CCSER1: variants seen among roughly 807,000 people sequenced by gnomAD.
CCSER1 encodes the protein serine-rich coiled-coil domain-containing protein 1.
Under a neutral mutation model 82.0 loss-of-function variants are expected in CCSER1, and 41 were observed. That is an observed-to-expected ratio of 0.50 (90% confidence interval 0.39 to 0.65). The LOEUF is 0.65. Ranked by LOEUF, CCSER1 falls within the 30% of genes least tolerant of loss-of-function variation. The pLI is 0.00. For synonymous variants in CCSER1, 414 were observed against 383.9 expected (o/e 1.08, Z -0.92); for missense variants, 1,119 against 1,064.2 (o/e 1.05, Z -0.72).
intron 10 of CCSER1, among the ~76,000 whole-genome samples, chr4:91,380,980 G>A (rs1750845358): frequency 6.6e-6 from 1 of 152,078 alleles, no homozygotes; most frequent in African/African-American, 2.4e-5. Context: ...TGTCTATAAA[G>A]GATTTTATTT....
chr4:90,926,915 A>G (rs1729134383), intron 9 of CCSER1, among the ~76,000 whole-genome samples: 2 of 152,078 alleles, frequency 1.3e-5, no homozygotes, highest in South Asian at 4.1e-4. Context: ...TTTCAAGATT[A>G]CATTGAGGGG....
In CCSER1 at chr4:91,565,025, GTTGTGTGTGTGTGTGTGTGT is replaced by G. The variant is rs1268671559; in HGVS notation, c.2218-33546_2218-33527del. Among the ~76,000 whole-genome samples, 81 of 120,424 alleles carry G rather than the reference GTTGTGTGTGTGTGTGTGTGT, an allele frequency of 6.7e-4. 1 individual carries two copies. The South Asian group carries it at 0.016, about 23-fold the overall frequency. The allele number at this position is 120,424 out of a possible 152,430, so 79.0% of individuals were successfully genotyped here. A position where few individuals can be genotyped will look rare whatever the true frequency, so the allele number is the denominator to read the frequency against. ...AATTTAAGTCTTTAATGCACCTTGA[GTTGTGTGTGTGTGTGTGTGT>G]GTGTGTGTGTGTGTGTGTGTGTGTG... On this transcript the variant is annotated intron_variant, in intron 10 of 10. Transcript: ENST00000509176.
chr4:91,389,174 C>T (rs181234746), intron 10 of CCSER1, among the ~76,000 whole-genome samples: 1 of 151,994 alleles, frequency 6.6e-6, no homozygotes, highest in East Asian at 1.9e-4. Flanking sequence ...CAGTCATCTT[C>T]TAGGGAACTT....
At chr4:91,245,625 T>G (rs1382066669) in intron 10 of CCSER1, among the ~76,000 whole-genome samples, 1 of 152,184 alleles carries the variant, frequency 6.6e-6, no homozygotes, top group Non-Finnish European at 1.5e-5. Context: ...ACAGGAGACC[T>G]GTCCTACAAT....
At chr4:90,913,682 A>G (rs11944492) in intron 8 of CCSER1, among the ~76,000 whole-genome samples, 2,381 of 152,300 alleles carry the variant, frequency 0.016, 55 homozygotes, top group African/African-American at 0.053. Flanking sequence ...CTCCAACTGA[A>G]AGACACAGCC....
chr4:91,223,864 C>T (rs564649212), intron 10 of CCSER1, among the ~76,000 whole-genome samples: 1 of 152,084 alleles, frequency 6.6e-6, no homozygotes, highest in East Asian at 1.9e-4. Context: ...GATGTATTGG[C>T]TAATTCAATC....
At chr4:91,532,909 T>A (rs1761110675) in intron 10 of CCSER1, among the ~76,000 whole-genome samples, 1 of 151,828 alleles carries the variant, frequency 6.6e-6, no homozygotes, top group South Asian at 2.1e-4. Flanking sequence ...AGAGGATTAA[T>A]CTTACTCTAT....
intron 5 of CCSER1, among the ~76,000 whole-genome samples, chr4:90,552,016 C>T (rs899139687): frequency 4.9e-4 from 74 of 152,042 alleles, no homozygotes; most frequent in Non-Finnish European, 1.8e-4. Flanking sequence ...TCTGTGTCCC[C>T]ACATGGAGAA....
At chr4:91,109,125 TG>T (rs1005610332) in intron 10 of CCSER1, among the ~76,000 whole-genome samples, 2 of 152,130 alleles carry the variant, frequency 1.3e-5, no homozygotes, top group African/African-American at 4.8e-5. Context: ...CATTTAGCCT[TG>T]GACTGAGAGT....
chr4:90,143,644 T>C (rs944995274), intron 1 of CCSER1, among the ~76,000 whole-genome samples: 30 of 151,970 alleles, frequency 2.0e-4, no homozygotes, highest in African/African-American at 7.0e-4. Flanking sequence ...AAGTCTTGAA[T>C]ATGCTTCCTA....
intron 7 of CCSER1, among the ~76,000 whole-genome samples, chr4:90,793,046 AC>A (rs1229750864): frequency 1.3e-5 from 2 of 152,178 alleles, no homozygotes; most frequent in African/African-American, 4.8e-5. Flanking sequence ...TAAAAACAAA[AC>A]AAAACAAAAA....
chr4:90,304,000 C>T (rs1733714847), intron 1 of CCSER1, among the ~76,000 whole-genome samples: 1 of 152,196 alleles, frequency 6.6e-6, no homozygotes, highest in Non-Finnish European at 1.5e-5. Flanking sequence ...AGGACATGAA[C>T]AGACACTTCT....
chr4:91,225,083 T>G (rs1738038148), intron 10 of CCSER1, among the ~76,000 whole-genome samples: 1 of 148,662 alleles, frequency 6.7e-6, no homozygotes, highest in Non-Finnish European at 1.5e-5. Flanking sequence ...TTAGAATTTC[T>G]TATCACAGTA....
intron 5 of CCSER1, among the ~76,000 whole-genome samples, chr4:90,525,743 A>G (rs1235679909): frequency 6.6e-6 from 1 of 152,020 alleles, no homozygotes; most frequent in African/African-American, 2.4e-5. Context: ...GGCTGAAGCA[A>G]TCCTTCTACC....
At chr4:90,183,567 G>A (rs868817282) in intron 1 of CCSER1, among the ~76,000 whole-genome samples, 1 of 152,030 alleles carries the variant, frequency 6.6e-6, no homozygotes, top group African/African-American at 2.4e-5. Context: ...ACACACACTC[G>A]TGCAAGAATG....
chr4:90,171,716 A>C (rs1560738111), intron 1 of CCSER1, among the ~76,000 whole-genome samples: 1 of 151,918 alleles, frequency 6.6e-6, no homozygotes, highest in African/African-American at 2.4e-5. Flanking sequence ...TACCCTGAGC[A>C]CACAGAGCGG....
intron 3 of CCSER1, among the ~76,000 whole-genome samples, chr4:90,340,672 T>C (rs552254947): frequency 3.3e-4 from 51 of 152,314 alleles, no homozygotes; most frequent in African/African-American, 8.9e-4. Flanking sequence ...TTCTGTGCTT[T>C]ACAATTTGGC....
intron 1 of CCSER1, among the ~76,000 whole-genome samples, chr4:90,138,158 A>G (rs1254600774): frequency 5.3e-5 from 8 of 152,174 alleles, no homozygotes; most frequent in African/African-American, 1.9e-4. Context: ...ATGGATGAAT[A>G]AATGCACTAC....
chr4:91,592,407 A>G (rs897501286), intron 10 of CCSER1, among the ~76,000 whole-genome samples: 8 of 152,142 alleles, frequency 5.3e-5, no homozygotes, highest in African/African-American at 1.9e-4. Context: ...CAGACAAACC[A>G]TATCACCTGG....
Sources: gnomAD v4.1 joint callset for allele counts (sites outside exome capture counted in the v4.1 genomes callset) on GRCh38, gnomAD v4.1.1 for gene constraint, MANE v1.5 for transcripts, NCBI Gene and HGNC (gene_info 2026-07-23, HGNC 2026-07-21) for gene names.